The following PYGB variants were observed in gnomAD, a reference collection of about 807,000 sequenced individuals.
PYGB encodes glycogen phosphorylase, brain form.
PYGB carries 82 observed loss-of-function variants against 94.3 expected under a neutral mutation model. The ratio of observed to expected loss-of-function variants is 0.87; its 90% confidence interval spans 0.73 to 1.04. PYGB has a LOEUF of 1.04. PYGB is among the 50% of genes least tolerant of loss of function. The pLI is 0.00. For missense variants in PYGB, 1,132 were observed against 1,158.2 expected, an observed-to-expected ratio of 0.98 and a Z score of 0.33; for synonymous variants, 488 against 479.1, an observed-to-expected ratio of 1.02 and a Z score of -0.24.
chr20:25,279,163 A>T lies in PYGB; in HGVS notation c.1092+14A>T. ...GACTGGGACAAGGTGAGCATGGAGG[A>T]AAAGGGCGGCACCTCCCCAGAGCCT... On this transcript the variant is annotated intron_variant, in intron 9 of 19. Transcript: ENST00000216962. The T allele has an allele frequency of 6.2e-7, 1 of 1,611,706 alleles. No individual in the cohort carries two copies. Among genetic ancestry groups the T allele is most frequent in the Non-Finnish European group, 8.5e-7 (1 of 1,178,444 alleles).
At chr20:25,288,135 G>A (rs1281644324) in intron 14 of PYGB, 5 of 544,144 alleles carry the variant, frequency 9.2e-6, no homozygotes, top group East Asian at 3.5e-5. Context: ...ATCTTTGCTC[G>A]AGTCAGCTGC....
intron 14 of PYGB, among the ~76,000 whole-genome samples, chr20:25,287,980 CAA>C (rs939563870): frequency 3.9e-5 from 6 of 152,170 alleles, no homozygotes; most frequent in African/African-American, 1.4e-4. Flanking sequence ...GCTGCTGTCT[CAA>C]GAAACAAAAC....
In PYGB at chr20:25,288,639, C is replaced by T. The variant is rs572902307; in HGVS notation, c.1827+156C>T. 3.8e-5 allele frequency: 32 copies of T among 834,126 alleles called. No homozygotes were observed. In the Middle Eastern group the frequency reaches 8.0e-4, roughly 21 times the overall value. The allele number at this position is 834,126 out of a possible 1,614,324, so 51.7% of individuals were successfully genotyped here. A position where few individuals can be genotyped will look rare whatever the true frequency, so the allele number is the denominator to read the frequency against. On this transcript the variant is annotated intron_variant, in intron 15 of 19. Transcript: ENST00000216962. ...CTGGTATGCCTGTGGGGGTGGGGAC[C>T]CTGTAGAGAGTCAGAATGGGATGGA...
At chr20:25,296,338 G>A (rs368349156) in intron 19 of PYGB, 32 bp from the exon 20 acceptor site, 20 of 1,612,954 alleles carry the variant, frequency 1.2e-5, no homozygotes, top group South Asian at 3.3e-5. Flanking sequence ...GCCCTGTGAC[G>A]CCAGAGACTA....
At chr20:25,283,089 G>C in intron 12 of PYGB, 87 bp from the exon 13 acceptor site, 1 of 1,125,288 alleles carries the variant, frequency 8.9e-7, no homozygotes, top group Non-Finnish European at 1.3e-6. Flanking sequence ...CAGGGGCGTG[G>C]GCAACAATGG....
chr20:25,294,337 AGGGAG>A, intron 18 of PYGB, 45 bp downstream of exon 18: 1 of 413,100 alleles, frequency 2.4e-6, no homozygotes, highest in Non-Finnish European at 4.9e-6. Context: ...GGAGGGAGGG[AGGGAG>A]GGGTCCTCTT....
chr20:25,255,671 C>G (rs963885520), intron 1 of PYGB, among the ~76,000 whole-genome samples: 1 of 151,820 alleles, frequency 6.6e-6, no homozygotes. Flanking sequence ...AGGAGGGGAC[C>G]GGTTTCAGAC....
At chr20:25,250,153 A>T (rs948028679) in intron 1 of PYGB, among the ~76,000 whole-genome samples, 3 of 152,180 alleles carry the variant, frequency 2.0e-5, no homozygotes, top group Non-Finnish European at 2.9e-5. Flanking sequence ...CCGACCCGCA[A>T]CATCATTTTT....
intron 9 of PYGB, 139 bp downstream of exon 9, chr20:25,279,288 C>G (rs2088344230): frequency 1.1e-6 from 1 of 912,652 alleles, no homozygotes; most frequent in African/African-American, 1.7e-5. Flanking sequence ...GAGACGCGAG[C>G]TGTGGGAGGG....
Position 25,261,621 on chromosome 20 carries a change from C to G in PYGB, c.345+2283C>G, listed in dbSNP as rs570838322. Among the ~76,000 whole-genome samples, 5 of 152,354 alleles carry G rather than the reference C, an allele frequency of 3.3e-5. No individual in the cohort carries two copies. The East Asian group carries it at 9.6e-4, about 29-fold the overall frequency. ...GCTCCTCGCCAGCAATAGAACAAAG[C>G]TGGACGGAGGATGACTTTGATGAGT... On this transcript the variant is annotated intron_variant, in intron 2 of 19. Transcript: ENST00000216962.
Position 25,278,352 on chromosome 20 carries a change from G to C in PYGB, c.889G>C (p.Glu297Gln). 2 of 1,611,282 alleles carry C rather than the reference G, an allele frequency of 1.2e-6. No individual in the cohort carries two copies. The highest frequency in any genetic ancestry group is 1.7e-6 in the Non-Finnish European group (2 of 1,179,252). ...FEGKELRLKQEYFVVAATLQD... is the reference protein window; with the variant it reads ...FEGKELRLKQQYFVVAATLQD... ...GGGGAAGGAGCTGCGGCTGAAGCAGGAGTACTTCGTGGTGGCCGCCACGCT... is the reference window on the plus strand; with the variant it reads ...GGGGAAGGAGCTGCGGCTGAAGCAGCAGTACTTCGTGGTGGCCGCCACGCT... Residue 297 changes from glutamate to glutamine, a missense_variant, in exon 8 of 20, where the codon GAG becomes CAG. By Grantham distance (29) the Glu-to-Gln change is conservative. Coordinates refer to ENST00000216962, the MANE Select transcript of PYGB (RefSeq NM_002862.4).
chr20:25,278,605 A>G, intron 8 of PYGB, 143 bp downstream of exon 8: 1 of 1,229,278 alleles, frequency 8.1e-7, no homozygotes, highest in Non-Finnish European at 1.1e-6. Flanking sequence ...CTGGGCCAGG[A>G]TCCCACCTGG....
intron 17 of PYGB, 150 bp downstream of exon 17, chr20:25,292,763 G>A: frequency 2.7e-6 from 3 of 1,106,726 alleles, no homozygotes; most frequent in South Asian, 1.6e-5. Context: ...TGCCTGCAGG[G>A]GTGACCATTT....
At chr20:25,249,107 G>A (rs189200496) in intron 1 of PYGB, among the ~76,000 whole-genome samples, 13 of 152,304 alleles carry the variant, frequency 8.5e-5, no homozygotes, top group Admixed American at 8.5e-4. Context: ...ATTTGTTTGA[G>A]TAGTGAAACA....
At chr20:25,288,330 C>A in intron 14 of PYGB, 95 bp from the exon 15 acceptor site, 1 of 1,380,866 alleles carries the variant, frequency 7.2e-7, no homozygotes, top group Non-Finnish European at 1.0e-6. Context: ...GCGTGCCTGT[C>A]CTGCCTCAGG....
At chr20:25,263,127 C>A (rs1341456078) in intron 2 of PYGB, among the ~76,000 whole-genome samples, 1 of 152,210 alleles carries the variant, frequency 6.6e-6, no homozygotes, top group Non-Finnish European at 1.5e-5. Context: ...TAATAGATAT[C>A]TACAGAACTC....
rs752549869 is a variant in PYGB at position 25,296,511 on chromosome 20, C to A, written c.2521C>A (p.Pro841Thr). Residue 841 changes from proline (P) to threonine (T), a missense_variant, in exon 20 of 20, where the codon CCC (proline) becomes ACC (threonine). Coordinates refer to ENST00000216962, the MANE Select transcript of PYGB (RefSeq NM_002862.4). The part of the protein sequence containing the change: ...SDLQIPPPNI[P>T]RD ...CCTGCAGATCCCGCCCCCCAACATC[C>A]CCCGGGACTAGGCACACCCTGCCTT... 2 of 1,613,424 alleles carry A rather than the reference C, an allele frequency of 1.2e-6. No homozygotes were observed. The highest frequency in any genetic ancestry group is 1.7e-6 in the Non-Finnish European group (2 of 1,179,846).
At chr20:25,295,846 A>G (rs934955792) in intron 19 of PYGB, among the ~76,000 whole-genome samples, 176 bp downstream of exon 19, 1 of 152,194 alleles carries the variant, frequency 6.6e-6, no homozygotes, top group African/African-American at 2.4e-5. Context: ...GTCACTGTCA[A>G]TGTCACTCCC....
intron 14 of PYGB, 121 bp from the exon 15 acceptor site, chr20:25,288,304 T>A: frequency 8.9e-7 from 1 of 1,120,122 alleles, no homozygotes; most frequent in Non-Finnish European, 1.4e-6. Context: ...CTCTGGGGCT[T>A]GAAGTACATG....
Sources: gnomAD v4.1 joint callset for allele counts (sites outside exome capture counted in the v4.1 genomes callset) on GRCh38, gnomAD v4.1.1 for gene constraint, MANE v1.5 for transcripts, NCBI Gene and HGNC (gene_info 2026-07-23, HGNC 2026-07-21) for gene names.